The following PRKCQ variants were observed in gnomAD, a reference collection of about 807,000 sequenced individuals.
PRKCQ encodes the protein protein kinase C theta type.
A neutral mutation model predicts 91.2 loss-of-function variants in PRKCQ; 41 were observed. That is an observed-to-expected ratio of 0.45 (90% CI 0.35 to 0.58). The LOEUF (loss-of-function observed/expected upper bound fraction) is 0.58, where lower values mean the gene tolerates loss of function less well. PRKCQ is among the 20% of genes least tolerant of loss of function. PRKCQ has a pLI of 0.00. For missense variants in PRKCQ, 673 were observed against 896.5 expected (o/e 0.75, Z 3.18); for synonymous variants, 307 against 316.9 (o/e 0.97, Z 0.33).
intron 1 of PRKCQ, among the ~76,000 whole-genome samples, chr10:6,531,891 C>G (rs1003793732): frequency 6.6e-6 from 1 of 151,974 alleles, no homozygotes; most frequent in African/African-American, 2.4e-5. Context: ...GAAGAGAGAA[C>G]TGAGGCTCAG....
chr10:6,540,169 T>C (rs928991979), intron 1 of PRKCQ, among the ~76,000 whole-genome samples: 17 of 152,236 alleles, frequency 1.1e-4, no homozygotes, highest in African/African-American at 4.1e-4. Flanking sequence ...TTGCTTTTTG[T>C]ACTAGTTCTT....
At position 6,430,310 on chromosome 10, in the gene PRKCQ, G is replaced by C. The variant is rs2132224379; in HGVS notation, c.1965+500C>G. Among the ~76,000 whole-genome samples the C allele has an allele frequency of 6.6e-6, 1 of 152,330 alleles. No individual in the cohort carries two copies. Among genetic ancestry groups the C allele is most frequent in the Admixed American group, 6.5e-5 (1 of 15,302 alleles). On this transcript the variant is annotated intron_variant, in intron 17 of 17. Coordinates refer to ENST00000263125, the MANE Select transcript of PRKCQ (RefSeq NM_006257.5). This position sits in a 1 kb window ranked among gnomAD's most constrained non-coding sequence, Gnocchi z 4.7. ...CTTTTTTAAAGCACGGATTTAGTTA[G>C]TTTCTCCCTTAAACCAAAGAACACC...
At chr10:6,528,090 G>GCCTCCCT (rs1476656024) in intron 1 of PRKCQ, among the ~76,000 whole-genome samples, 1 of 151,848 alleles carries the variant, frequency 6.6e-6, no homozygotes, top group Middle Eastern at 3.2e-3. Flanking sequence ...GAGCCTCACT[G>GCCTCCCT]CCTCCCTCCT....
chr10:6,441,908 C>T lies in PRKCQ; in HGVS notation c.1821G>A (p.Lys607=). The T allele has an allele frequency of 6.2e-7, 1 of 1,608,088 alleles. No homozygotes were observed. Among genetic ancestry groups the T allele is most frequent in the South Asian group, 1.1e-5 (1 of 90,874 alleles). ...CGCTTCTTACCTTCACCAGAAGGTC[C>T]TTTGCTTCCTTCTCCAGCCACCGTG... ...FYPRWLEKEA[K]DLLVKLFVRE... is the part of the protein sequence containing the mutation. Residue 607 remains lysine, a synonymous_variant, in exon 16 of 18, where the codon AAG becomes AAA. Transcript: ENST00000263125.
chr10:6,520,249 G>A (rs910752043), intron 1 of PRKCQ, among the ~76,000 whole-genome samples: 1 of 152,052 alleles, frequency 6.6e-6, no homozygotes, highest in Non-Finnish European at 1.5e-5. Context: ...CCTTCATTTT[G>A]CCAGCTCGGT....
intron 1 of PRKCQ, among the ~76,000 whole-genome samples, chr10:6,556,153 A>G (rs373119119): frequency 2.0e-5 from 3 of 152,136 alleles, no homozygotes; most frequent in South Asian, 4.1e-4. Flanking sequence ...CAAATAGGTT[A>G]GCATGAGGGC....
intron 1 of PRKCQ, among the ~76,000 whole-genome samples, chr10:6,516,306 C>T (rs942445520): frequency 1.3e-5 from 2 of 152,126 alleles, no homozygotes; most frequent in African/African-American, 2.4e-5. Flanking sequence ...GAGCTTTTGA[C>T]GGGCATTAAT....
At chr10:6,568,146 C>A (rs183838115) in intron 1 of PRKCQ, among the ~76,000 whole-genome samples, 87 of 151,878 alleles carry the variant, frequency 5.7e-4, no homozygotes, top group Non-Finnish European at 7.8e-4. Flanking sequence ...AGGCGAAGGG[C>A]GGAGGTTGCA....
Position 6,428,350 on chromosome 10 carries a change from C to A in PRKCQ, c.1978G>T (p.Asp660Tyr). The A allele has an allele frequency of 6.2e-7, 1 of 1,613,138 alleles. No individual in the cohort carries two copies. The highest frequency in any genetic ancestry group is 1.1e-5 in the South Asian group (1 of 90,828). Residue 660 changes from aspartate (D) to tyrosine (Y), a missense_variant, in exon 18 of 18, where the codon GAC becomes TAC. Transcript: ENST00000263125. Reference sequence around the variant, plus strand: ...AATTCTTTGTCGAAATTGCTGCAGTCAAATGGTGATTTCTTAGTCAGAGTT... The same window carrying A: ...AATTCTTTGTCGAAATTGCTGCAGTAAAATGGTGATTTCTTAGTCAGAGTT... Reference protein sequence around the residue: ...PFRPKVKSPFDCSNFDKEFLN... With the variant: ...PFRPKVKSPFYCSNFDKEFLN...
At chr10:6,522,649 C>T (rs1213659289) in intron 1 of PRKCQ, among the ~76,000 whole-genome samples, 1 of 152,180 alleles carries the variant, frequency 6.6e-6, no homozygotes, top group Admixed American at 6.5e-5. Flanking sequence ...TAGCAAACTT[C>T]TTCATTTAAT....
chr10:6,477,258 T>A (rs1836318465), intron 12 of PRKCQ, among the ~76,000 whole-genome samples: 1 of 152,206 alleles, frequency 6.6e-6, no homozygotes. Context: ...CTTATTAGAG[T>A]GTGAAGTTCT....
rs1036287001 is a variant in PRKCQ, at chr10:6,427,563, C to T, written c.*644G>A. On this transcript the variant is annotated 3_prime_UTR_variant, in exon 18 of 18. Transcript: ENST00000263125. ...ATAACAAGCGAAGGTGTCTAGCAAA[C>T]CTTCCCTCTCACTTTCCACTTGTCC... is the stretch of plus-strand genomic sequence containing the variant. 2.0e-4 allele frequency: 31 copies of T among 152,392 alleles called. No individual in the cohort carries two copies. Among genetic ancestry groups the T allele is most frequent in the African/African-American group, 7.2e-4 (30 of 41,458 alleles). 9.4% of individuals were successfully genotyped at this position (152,392 alleles called of 1,614,324 possible).
At chr10:6,396,283 A>G in the PRKCQ span, among the ~76,000 whole-genome samples, 1 of 152,224 alleles carries the variant, frequency 6.6e-6, no homozygotes, top group African/African-American at 2.4e-5. Context: ...ATTGAGATAC[A>G]ATACAATTCA....
At position 6,536,992 on chromosome 10, in the gene PRKCQ, GCTC is replaced by G. The variant is rs145681039; in HGVS notation, c.-9-21851_-9-21849del. 5.7e-3 allele frequency among the ~76,000 whole-genome samples: 864 copies of G among 152,272 alleles called. 23 individuals are homozygous for G. The East Asian group carries it at 0.088, about 16-fold the overall frequency. ...CAGTTCTCGCTCTCCCAAGCCAGGG[GCTC>G]AGAGTAGCATGAGCTCTGGTGGGGC... On this transcript the variant is annotated intron_variant, in intron 1 of 17. Coordinates refer to ENST00000263125, the MANE Select transcript of PRKCQ (RefSeq NM_006257.5).
At chr10:6,561,382 A>G (rs1840629049) in intron 1 of PRKCQ, among the ~76,000 whole-genome samples, 3 of 151,384 alleles carry the variant, frequency 2.0e-5, no homozygotes, top group Non-Finnish European at 4.4e-5. Flanking sequence ...AAAAAAAAAA[A>G]AAAAAAAAAA....
intron 12 of PRKCQ, among the ~76,000 whole-genome samples, chr10:6,478,296 G>A (rs577578049): frequency 1.6e-4 from 25 of 152,276 alleles, no homozygotes; most frequent in African/African-American, 5.3e-4. Context: ...TATTAATGGC[G>A]AGTATATCTT....
intron 9 of PRKCQ, among the ~76,000 whole-genome samples, chr10:6,485,714 C>T (rs72781771): frequency 0.12 from 17,872 of 152,182 alleles, 1,167 homozygotes; most frequent in Non-Finnish European, 0.14. Context: ...GTGTTTTCCC[C>T]CAGGCTATTC....
At chr10:6,549,998 G>A (rs1193028144) in intron 1 of PRKCQ, among the ~76,000 whole-genome samples, 2 of 151,994 alleles carry the variant, frequency 1.3e-5, no homozygotes, top group Non-Finnish European at 2.9e-5. Flanking sequence ...ACATTGTTGG[G>A]CATTCATCTC....
intron 11 of PRKCQ, 24 bp from the exon 12 acceptor site, chr10:6,479,189 C>T (rs773359821): frequency 4.8e-5 from 77 of 1,608,818 alleles, no homozygotes; most frequent in Non-Finnish European, 6.3e-5. Context: ...GAAGAAGTAA[C>T]TTTATTTTAG....
Sources: allele counts gnomAD v4.1 joint callset (sites outside exome capture counted in the v4.1 genomes callset), GRCh38; gene constraint gnomAD v4.1.1; non-coding constraint Gnocchi (gnomAD v3.1); transcripts MANE v1.5; gene names NCBI Gene and HGNC (gene_info 2026-07-23, HGNC 2026-07-21).